Variants in ARVCF observed in about 807,000 individuals in gnomAD.
ARVCF encodes the protein splicing regulator ARVCF.
A neutral mutation model predicts 90.9 loss-of-function variants in ARVCF; 66 were observed. The ratio of observed to expected loss-of-function variants is 0.73; its 90% CI spans 0.60 to 0.89. The LOEUF (loss-of-function observed/expected upper bound fraction) is 0.89, where lower values mean the gene tolerates loss of function less well. Ranked by LOEUF, ARVCF falls within the 40% of genes least tolerant of loss-of-function variation. The pLI is 0.00. For missense variants in ARVCF, 1,469 were observed against 1,382.3 expected, an observed-to-expected ratio of 1.06 and a Z score of -1.00; for synonymous variants, 653 against 603.4, an observed-to-expected ratio of 1.08 and a Z score of -1.21.
intron 1 of ARVCF, among the ~76,000 whole-genome samples, chr22:20,012,765 A>G (rs1944882952): frequency 6.6e-6 from 1 of 152,242 alleles, no homozygotes; most frequent in Admixed American, 6.5e-5. Context: ...TGGTTCTGGC[A>G]CGGTATCCAT....
intron 2 of ARVCF, among the ~76,000 whole-genome samples, chr22:19,995,496 C>A (rs909981567): frequency 6.6e-6 from 1 of 152,170 alleles, no homozygotes; most frequent in African/African-American, 2.4e-5. Context: ...GGTCAGCACA[C>A]ACTGTCAGGA....
Position 19,974,176 on chromosome 22 carries a change from C to T in ARVCF, c.2024G>A (p.Arg675Gln), listed in dbSNP as rs745799425. 1.7e-5 allele frequency: 28 copies of T among 1,612,870 alleles called. No homozygotes were observed. The highest frequency in any genetic ancestry group is 3.3e-5 in the Admixed American group (2 of 59,988). Residue 675 changes from arginine to glutamine, a missense_variant, in exon 12 of 20, where the codon CGG (arginine) becomes CAG (glutamine). Transcript: ENST00000263207. ...GGCAGCCTCCAGGGTGTTGAAGTTC[C>T]GGCTCTCCGTGAGGAGGGAGAGGTA... ...RLYLSLLTES[R>Q]NFNTLEAAAG...
At position 19,974,132 on chromosome 22, in the gene ARVCF, G is replaced by A. The variant is rs569906702; in HGVS notation, c.2068C>T (p.Leu690Phe). 11 of 1,612,112 alleles carry A rather than the reference G, an allele frequency of 6.8e-6. No individual in the cohort carries two copies. The highest frequency in any genetic ancestry group is 2.2e-5 in the East Asian group (1 of 44,858). ...LEAAAGALQN[L>F]SAGNWMWATY... ...CTCACCATCCAGTTGCCGGCACTGAGGTTCTGCAGAGCGCCGGCGGCAGCC... is the reference window on the plus strand; with the variant it reads ...CTCACCATCCAGTTGCCGGCACTGAAGTTCTGCAGAGCGCCGGCGGCAGCC... Residue 690 changes from leucine to phenylalanine, a missense_variant, in exon 12 of 20, where the codon CTC becomes TTC. By Grantham distance (22) the Leu-to-Phe change is conservative. Transcript: ENST00000263207.
chr22:19,986,439 G>GA (rs1029784778), intron 3 of ARVCF, among the ~76,000 whole-genome samples: 2 of 152,198 alleles, frequency 1.3e-5, no homozygotes, highest in African/African-American at 4.8e-5. Context: ...CCTCAATGCT[G>GA]AGAGGGGGAG....
At chr22:20,005,372 TAAA>T (rs34774877) in intron 2 of ARVCF, among the ~76,000 whole-genome samples, 4 of 136,978 alleles carry the variant, frequency 2.9e-5, no homozygotes, top group Admixed American at 7.3e-5. Flanking sequence ...ATGGCTAGTC[TAAA>T]AAAAAAAAAA....
At chr22:20,004,379 G>A (rs1944545785) in intron 2 of ARVCF, among the ~76,000 whole-genome samples, 1 of 151,860 alleles carries the variant, frequency 6.6e-6, no homozygotes, top group South Asian at 2.1e-4. Context: ...ATCCTAGCTA[G>A]TCAGAGGCTG....
At chr22:20,002,832 C>T (rs989329181) in intron 2 of ARVCF, among the ~76,000 whole-genome samples, 1 of 152,176 alleles carries the variant, frequency 6.6e-6, no homozygotes, top group Non-Finnish European at 1.5e-5. Flanking sequence ...GCCTGCGATT[C>T]TGAATGCATT....
chr22:19,981,306 GCTGCGCGTGTCATC>G lies in ARVCF; in HGVS notation c.787_800del (p.Asp263ProfsTer4). On this transcript the variant is annotated frameshift_variant, in exon 5 of 20. Coordinates refer to ENST00000263207, the MANE Select transcript of ARVCF (RefSeq NM_001670.3). LOFTEE classifies it high-confidence loss of function. The stretch of plus-strand genomic sequence containing the variant: ...GGCCACCCTCGTCATCAGCGGCCAG[GCTGCGCGTGTCATC>G]CTCCAAGCCATACGGCTCTGCCTGG... The G allele has an allele frequency of 6.3e-7, 1 of 1,595,944 alleles. No homozygotes were observed. The highest frequency in any genetic ancestry group is 8.5e-7 in the Non-Finnish European group (1 of 1,172,656).
At chr22:19,996,146 G>C (rs977158144) in intron 2 of ARVCF, among the ~76,000 whole-genome samples, 6 of 152,186 alleles carry the variant, frequency 3.9e-5, no homozygotes, top group Non-Finnish European at 8.8e-5. Flanking sequence ...ACAGGGCGGA[G>C]TCCACATCCA....
At position 19,977,940 on chromosome 22, in the gene ARVCF, G is replaced by T. The variant is rs774826034; in HGVS notation, c.1698+18C>A. 6.3e-7 allele frequency: 1 copy of T among 1,591,298 alleles called. No individual in the cohort carries two copies. ...TCTCTCCAGCCCTTGGTATGAGGCT[G>T]TGACCGTCCCTGCCCACCTTGTTGT... On this transcript the variant is annotated intron_variant, in intron 8 of 19. Coordinates refer to ENST00000263207, the MANE Select transcript of ARVCF (RefSeq NM_001670.3).
Position 19,975,899 on chromosome 22 carries a change from C to T in ARVCF, c.1889-142G>A. On this transcript the variant is annotated intron_variant, in intron 10 of 19. Coordinates refer to ENST00000263207, the MANE Select transcript of ARVCF (RefSeq NM_001670.3). ...CCTGGGCACCTGTGGGAGTGGAGCA[C>T]CGTTGTCAGAGTTTGGGCAGACAGT... 6.2e-6 allele frequency: 5 copies of T among 801,680 alleles called. No individual in the cohort carries two copies. The South Asian group carries it at 8.1e-5, about 13-fold the overall frequency. The allele number at this position is 801,680 out of a possible 1,614,324, so 49.7% of individuals were successfully genotyped here. A position where few individuals can be genotyped will look rare whatever the true frequency, so the allele number is the denominator to read the frequency against.
At chr22:20,000,714 G>A (rs1944414192) in intron 2 of ARVCF, among the ~76,000 whole-genome samples, 2 of 152,162 alleles carry the variant, frequency 1.3e-5, no homozygotes, top group Non-Finnish European at 1.5e-5. Flanking sequence ...TAAGAGGTAG[G>A]GCCTTTAGGA....
At chr22:20,016,320 G>A (rs1332596478) in intron 1 of ARVCF, among the ~76,000 whole-genome samples, 2 of 152,126 alleles carry the variant, frequency 1.3e-5, no homozygotes, top group Non-Finnish European at 2.9e-5. Context: ...GACGGGTAGG[G>A]TAGGGCCCCA....
At chr22:20,015,216 C>T (rs1314134135) in intron 1 of ARVCF, among the ~76,000 whole-genome samples, 1 of 152,192 alleles carries the variant, frequency 6.6e-6, no homozygotes, top group Non-Finnish European at 1.5e-5. Context: ...GGACTTGAGT[C>T]CCTTAGCGAA....
chr22:20,010,685 A>G (rs1473052724), intron 1 of ARVCF, among the ~76,000 whole-genome samples, 177 bp from the exon 2 acceptor site: 1 of 152,170 alleles, frequency 6.6e-6, no homozygotes, highest in Non-Finnish European at 1.5e-5. Context: ...TCTTGCCCCC[A>G]CATGTCCAGG....
At chr22:19,973,510 G>T (rs1942966456) in intron 13 of ARVCF, 133 bp downstream of exon 13, 6 of 1,443,770 alleles carry the variant, frequency 4.2e-6, no homozygotes, top group Non-Finnish European at 5.5e-6. Flanking sequence ...GCTACCTCCA[G>T]TTGGGACAGC....
intron 2 of ARVCF, among the ~76,000 whole-genome samples, chr22:20,004,287 T>A (rs1944542681): frequency 6.6e-6 from 1 of 152,122 alleles, no homozygotes; most frequent in Admixed American, 6.6e-5. Flanking sequence ...ACAATGACGA[T>A]ACTACTGAAA....
At chr22:20,006,310 G>A (rs1051705223) in intron 2 of ARVCF, among the ~76,000 whole-genome samples, 1 of 152,072 alleles carries the variant, frequency 6.6e-6, no homozygotes, top group Admixed American at 6.5e-5. Flanking sequence ...AGGCGTGGTG[G>A]CTCACGCCTG....
chr22:19,989,546 T>G (rs563616864), intron 3 of ARVCF, among the ~76,000 whole-genome samples: 90 of 152,058 alleles, frequency 5.9e-4, no homozygotes, highest in African/African-American at 2.0e-3. Context: ...CCTTTCTCTC[T>G]AGATGAGAAG....
Sources: gnomAD v4.1 joint callset for allele counts (sites outside exome capture counted in the v4.1 genomes callset) on GRCh38, gnomAD v4.1.1 for gene constraint, MANE v1.5 for transcripts, NCBI Gene and HGNC (gene_info 2026-07-23, HGNC 2026-07-21) for gene names.